STPG2: variants seen among roughly 807,000 people sequenced by gnomAD.
The protein encoded by STPG2 is sperm tail PG-rich repeat containing 2.
Under a neutral mutation model 54.2 loss-of-function variants are expected in STPG2, and 56 were observed. That is an observed-to-expected ratio of 1.03 (90% CI 0.83 to 1.29). The LOEUF is 1.29. Ranked by LOEUF, STPG2 falls within the 50% of genes most tolerant of loss-of-function variation. The pLI, the probability that STPG2 is intolerant of heterozygous loss-of-function variation, is 0.00. For missense variants in STPG2, 596 were observed against 544.9 expected, an observed-to-expected ratio of 1.09 and a Z score of -0.93; for synonymous variants, 200 against 181.8, an observed-to-expected ratio of 1.10 and a Z score of -0.81.
intron 10 of STPG2, among the ~76,000 whole-genome samples, chr4:97,574,469 AAAG>A (rs1732672790): frequency 6.6e-6 from 1 of 152,114 alleles, no homozygotes; most frequent in South Asian, 2.1e-4. Flanking sequence ...TTGGCAGACA[AAAG>A]AGTATGACTT....
At chr4:97,648,530 T>A (rs1355044691) in intron 10 of STPG2, among the ~76,000 whole-genome samples, 1 of 152,128 alleles carries the variant, frequency 6.6e-6, no homozygotes, top group East Asian at 1.9e-4. Flanking sequence ...TGCTGAACAC[T>A]CTCTCAGCAA....
At chr4:97,614,384 T>C (rs752294830) in intron 10 of STPG2, among the ~76,000 whole-genome samples, 9 of 151,940 alleles carry the variant, frequency 5.9e-5, no homozygotes, top group Non-Finnish European at 1.3e-4. Context: ...GGATTTTCCA[T>C]AGAAATTCTT....
intron 4 of STPG2, among the ~76,000 whole-genome samples, chr4:97,447,113 G>T (rs762122137): frequency 1.3e-5 from 2 of 152,200 alleles, no homozygotes; most frequent in Non-Finnish European, 2.9e-5. Flanking sequence ...ATATGGAGAC[G>T]AGGAACTCAT....
chr4:97,456,554 A>G (rs1729524420), intron 4 of STPG2, among the ~76,000 whole-genome samples: 1 of 152,166 alleles, frequency 6.6e-6, no homozygotes, highest in Non-Finnish European at 1.5e-5. Flanking sequence ...CTGACAAAGG[A>G]ATGTTATACA....
At chr4:98,119,755 A>G (rs1214025745) in intron 3 of STPG2, among the ~76,000 whole-genome samples, 3 of 151,858 alleles carry the variant, frequency 2.0e-5, no homozygotes, top group Non-Finnish European at 2.9e-5. Flanking sequence ...CCTACCCCCA[A>G]TGGGCCCCAG....
At chr4:97,970,344 A>G (rs1192829002) in intron 7 of STPG2, among the ~76,000 whole-genome samples, 1 of 152,222 alleles carries the variant, frequency 6.6e-6, no homozygotes, top group Non-Finnish European at 1.5e-5. Context: ...AAGAGCCTGC[A>G]TTGCCAAGAC....
intron 9 of STPG2, among the ~76,000 whole-genome samples, chr4:97,718,551 T>C (rs1018465542): frequency 4.6e-5 from 7 of 152,012 alleles, no homozygotes; most frequent in Non-Finnish European, 8.8e-5. Context: ...TTCTGTAGCC[T>C]AAAGCAAATA....
intron 10 of STPG2, among the ~76,000 whole-genome samples, chr4:97,583,967 G>C (rs1732928774): frequency 6.6e-6 from 1 of 151,722 alleles, no homozygotes; most frequent in Admixed American, 6.6e-5. Context: ...TAGATATACA[G>C]GTTATCAAGA....
At chr4:97,825,422 C>T (rs1728220685) in intron 9 of STPG2, among the ~76,000 whole-genome samples, 1 of 152,166 alleles carries the variant, frequency 6.6e-6, no homozygotes, top group African/African-American at 2.4e-5. Flanking sequence ...TGCTCTTCGA[C>T]ACCTAGAAGT....
intron 10 of STPG2, 103 bp from the exon 11 acceptor site, chr4:97,559,220 A>T: frequency 1.3e-6 from 1 of 745,628 alleles, no homozygotes; most frequent in East Asian, 2.8e-5. Flanking sequence ...ATTCTTACAA[A>T]ATTAGAAGTT....
chr4:97,685,156 T>C (rs563126043), intron 10 of STPG2, among the ~76,000 whole-genome samples: 2 of 152,064 alleles, frequency 1.3e-5, no homozygotes, highest in African/African-American at 2.4e-5. Flanking sequence ...TAGAAGACAA[T>C]CTGGCAGCGT....
chr4:97,519,376 C>T (rs188244539), intron 4 of STPG2, among the ~76,000 whole-genome samples: 17 of 151,916 alleles, frequency 1.1e-4, no homozygotes, highest in Admixed American at 1.1e-3. Context: ...CTAGAAAGTT[C>T]CCCAGAATTT....
At chr4:98,033,559 C>T (rs1181819085) in intron 5 of STPG2, among the ~76,000 whole-genome samples, 3 of 152,090 alleles carry the variant, frequency 2.0e-5, no homozygotes, top group Non-Finnish European at 4.4e-5. Context: ...TCTAAAACTA[C>T]TCCGAATGAT....
chr4:97,901,523 G>C (rs1346276835), intron 8 of STPG2, among the ~76,000 whole-genome samples: 1 of 151,846 alleles, frequency 6.6e-6, no homozygotes, highest in Non-Finnish European at 1.5e-5. Flanking sequence ...AAAATCACAT[G>C]CTTGCACTAA....
At chr4:97,995,698 T>G (rs1305359010) in intron 5 of STPG2, among the ~76,000 whole-genome samples, 1 of 152,104 alleles carries the variant, frequency 6.6e-6, no homozygotes, top group East Asian at 1.9e-4. Flanking sequence ...CTGGGAACCC[T>G]GCATGGGGTT....
chr4:97,959,344 C>T (rs956154022), intron 7 of STPG2, among the ~76,000 whole-genome samples: 2 of 151,650 alleles, frequency 1.3e-5, no homozygotes, highest in African/African-American at 2.4e-5. Context: ...AACTTAACCC[C>T]AGTAAAAGAA....
At chr4:97,879,758 G>A (rs1730304968) in intron 8 of STPG2, among the ~76,000 whole-genome samples, 1 of 152,086 alleles carries the variant, frequency 6.6e-6, no homozygotes, top group South Asian at 2.1e-4. Flanking sequence ...AAACACAATA[G>A]GGTATCATCT....
intron 9 of STPG2, among the ~76,000 whole-genome samples, chr4:97,820,167 T>C (rs1010053877): frequency 6.6e-6 from 1 of 152,172 alleles, no homozygotes. Context: ...TCTTTGATGT[T>C]ACTATTGTAA....
intron 5 of STPG2, among the ~76,000 whole-genome samples, chr4:98,086,967 A>T (rs1360763669): frequency 6.6e-6 from 1 of 152,238 alleles, no homozygotes; most frequent in Non-Finnish European, 1.5e-5. Flanking sequence ...ATAATATCTG[A>T]TATAGAATAG....
Sources: allele counts gnomAD v4.1 joint callset (sites outside exome capture counted in the v4.1 genomes callset), GRCh38; gene constraint gnomAD v4.1.1; transcripts MANE v1.5; gene names NCBI Gene and HGNC (gene_info 2026-07-23, HGNC 2026-07-21).